Variants in NMT2 observed in about 807,000 individuals in gnomAD.
NMT2 encodes the protein glycylpeptide N-tetradecanoyltransferase 2.
NMT2 carries 35 observed loss-of-function variants against 65.4 expected under a neutral mutation model. The ratio of observed to expected loss-of-function variants is 0.54; its 90% CI spans 0.41 to 0.71. NMT2 has a LOEUF of 0.71. Among genes scored for constraint, NMT2 ranks in the 30% least tolerant of loss-of-function variants. The pLI is 0.00. For missense variants in NMT2, 489 were observed against 611.3 expected (o/e 0.80, Z 2.11); for synonymous variants, 226 against 231.8 (o/e 0.98, Z 0.23).
chr10:15,136,174 T>G (rs1846486894), intron 2 of NMT2, among the ~76,000 whole-genome samples: 1 of 145,974 alleles, frequency 6.9e-6, no homozygotes, highest in African/African-American at 2.6e-5. Context: ...TGAGCTGAGA[T>G]CGCGCCATTG....
chr10:15,135,520 A>G lies in NMT2; in HGVS notation c.247-102T>C, dbSNP rs546116781. The G allele has an allele frequency of 1.0e-5, 12 of 1,181,440 alleles. No homozygotes were observed. In the Admixed American group the frequency reaches 1.2e-4, roughly 12 times the overall value. 73.2% of individuals were successfully genotyped at this position (1,181,440 alleles called of 1,614,324 possible). A position where few individuals can be genotyped will look rare whatever the true frequency, so the allele number is the denominator to read the frequency against. On this transcript the variant is annotated intron_variant, in intron 2 of 11. Transcript: ENST00000378165. ...GCCTCAGAGACTACAATACCTAAAC[A>G]CTAACAATCCTCCTCCAAGCCCAGT...
chr10:15,148,430 T>C (rs995786197), intron 1 of NMT2, among the ~76,000 whole-genome samples: 18 of 152,162 alleles, frequency 1.2e-4, no homozygotes, highest in African/African-American at 4.1e-4. Flanking sequence ...GGAGGATCAC[T>C]TGAGTCCAGG....
At position 15,108,065 on chromosome 10, in the gene NMT2, G is replaced by A. The variant is rs1012602963; in HGVS notation, c.*1130C>T. 29 of 985,524 alleles carry A rather than the reference G, an allele frequency of 2.9e-5. No homozygotes were observed. Among genetic ancestry groups the A allele is most frequent in the Middle Eastern group, 5.2e-4 (1 of 1,936 alleles). The allele number at this position is 985,524 out of a possible 1,614,324, so 61.0% of individuals were successfully genotyped here. A position where few individuals can be genotyped will look rare whatever the true frequency, so the allele number is the denominator to read the frequency against. On this transcript the variant is annotated 3_prime_UTR_variant, in exon 12 of 12. Transcript: ENST00000378165. ...TGATAGCACGAATAAGTTCCACCAG[G>A]CATCTCTTTTGACTTTACAGTTTTT...
At chr10:15,163,269 G>T (rs1247969454) in intron 1 of NMT2, among the ~76,000 whole-genome samples, 2 of 152,142 alleles carry the variant, frequency 1.3e-5, no homozygotes, top group Non-Finnish European at 2.9e-5. Context: ...TGTTTTCAAA[G>T]AAAACAACAA....
intron 8 of NMT2, among the ~76,000 whole-genome samples, chr10:15,126,980 C>A (rs1324251305): frequency 6.6e-6 from 1 of 152,136 alleles, no homozygotes. Context: ...CACCTGTAAT[C>A]CCAGGACTTT....
At chr10:15,123,233 T>A (rs999096131) in intron 8 of NMT2, among the ~76,000 whole-genome samples, 2 of 152,180 alleles carry the variant, frequency 1.3e-5, no homozygotes, top group African/African-American at 4.8e-5. Context: ...TGCTGACTAA[T>A]AGCTAAAATA....
intron 1 of NMT2, among the ~76,000 whole-genome samples, chr10:15,143,572 C>T (rs1051972702): frequency 1.8e-4 from 28 of 152,192 alleles, no homozygotes; most frequent in Admixed American, 1.8e-3. Flanking sequence ...TAGTAATTTG[C>T]TCAGCCAGGC....
chr10:15,135,170 G>C, intron 3 of NMT2, 104 bp downstream of exon 3: 1 of 1,145,240 alleles, frequency 8.7e-7, no homozygotes. Context: ...AATGATACAT[G>C]TGAAGTTAAC....
At chr10:15,139,136 C>CA (rs1846629923) in intron 2 of NMT2, among the ~76,000 whole-genome samples, 1 of 152,150 alleles carries the variant, frequency 6.6e-6, no homozygotes, top group African/African-American at 2.4e-5. Flanking sequence ...CCTCGAACAT[C>CA]AGGCTCCAAG....
Position 15,108,472 on chromosome 10 carries a change from A to T in NMT2, c.*723T>A. 2 of 982,510 alleles carry T rather than the reference A, an allele frequency of 2.0e-6. No individual in the cohort carries two copies. Among genetic ancestry groups the T allele is most frequent in the Non-Finnish European group, 2.4e-6 (2 of 827,226 alleles). 60.9% of individuals were successfully genotyped at this position (982,510 alleles called of 1,614,324 possible). On this transcript the variant is annotated 3_prime_UTR_variant, in exon 12 of 12. Transcript: ENST00000378165. ...AGTGCTGGGATTACAGGCGTGAGCC[A>T]CCACGCCCGGCCTCAGGCTCTTTCA...
At chr10:15,116,419 A>G (rs1845748463) in intron 9 of NMT2, among the ~76,000 whole-genome samples, 1 of 152,202 alleles carries the variant, frequency 6.6e-6, no homozygotes, top group Non-Finnish European at 1.5e-5. Flanking sequence ...CGTCAGAAAT[A>G]GCTAAAGCAG....
intron 1 of NMT2, among the ~76,000 whole-genome samples, chr10:15,161,102 A>G (rs1360417465): frequency 6.7e-6 from 1 of 149,428 alleles, no homozygotes; most frequent in African/African-American, 2.5e-5. Context: ...AAAAAAAAAA[A>G]AAAAAAAACA....
intron 2 of NMT2, chr10:15,140,942 C>T (rs1415050435): frequency 9.9e-6 from 15 of 1,508,888 alleles, no homozygotes; most frequent in South Asian, 3.6e-5. Flanking sequence ...GAATGAAGAA[C>T]GACCGCTGCA....
At chr10:15,136,261 A>C (rs1021558279) in intron 2 of NMT2, among the ~76,000 whole-genome samples, 1 of 144,592 alleles carries the variant, frequency 6.9e-6, no homozygotes, top group Non-Finnish European at 1.5e-5. Flanking sequence ...AAGGGAAGGG[A>C]AAGGGAAGGG....
intron 2 of NMT2, among the ~76,000 whole-genome samples, chr10:15,136,082 C>G (rs751103627): frequency 3.3e-5 from 5 of 151,832 alleles, no homozygotes; most frequent in Non-Finnish European, 7.4e-5. Flanking sequence ...CAAAAATTAG[C>G]CAGGCATGAT....
At chr10:15,164,118 G>A (rs2131640634) in intron 1 of NMT2, among the ~76,000 whole-genome samples, 1 of 148,620 alleles carries the variant, frequency 6.7e-6, no homozygotes, top group African/African-American at 2.5e-5. Context: ...GGGAGGCAGA[G>A]CTTGCAGTGA....
Position 15,108,765 on chromosome 10 carries a change from T to G in NMT2, c.*430A>C. ...AAAAAAAATTTCCAAATGGATCTTT[T>G]GTTCTGTTACATGGACAAATGTACC... On this transcript the variant is annotated 3_prime_UTR_variant, in exon 12 of 12. Coordinates refer to ENST00000378165, the MANE Select transcript of NMT2 (RefSeq NM_004808.3). 9.8e-7 allele frequency: 1 copy of G among 1,018,622 alleles called. No homozygotes were observed. The highest frequency in any genetic ancestry group is 1.2e-6 in the Non-Finnish European group (1 of 852,620). 63.1% of individuals were successfully genotyped at this position (1,018,622 alleles called of 1,614,324 possible).
chr10:15,126,338 A>C (rs529499615), intron 8 of NMT2, among the ~76,000 whole-genome samples: 1 of 151,576 alleles, frequency 6.6e-6, no homozygotes, highest in Admixed American at 6.6e-5. Context: ...CTGAGGCAGG[A>C]GAATTGCTTG....
At chr10:15,133,750 C>CT (rs905770206) in intron 3 of NMT2, among the ~76,000 whole-genome samples, 28 of 152,184 alleles carry the variant, frequency 1.8e-4, no homozygotes, top group East Asian at 5.8e-4. Context: ...CAGTGCCCGG[C>CT]TAATTGTAAA....
Sources: allele counts gnomAD v4.1 joint callset (sites outside exome capture counted in the v4.1 genomes callset), GRCh38; gene constraint gnomAD v4.1.1; transcripts MANE v1.5; gene names NCBI Gene and HGNC (gene_info 2026-07-23, HGNC 2026-07-21).